Variants in CYLD observed in about 807,000 individuals in gnomAD.
CYLD encodes the protein ubiquitin carboxyl-terminal hydrolase CYLD.
CYLD carries 26 observed loss-of-function variants against 104.5 expected under a neutral mutation model. The ratio of observed to expected loss-of-function variants is 0.25; its 90% CI spans 0.18 to 0.35. The LOEUF (loss-of-function observed/expected upper bound fraction) is 0.35. CYLD is among the 10% of genes least tolerant of loss of function. CYLD has a pLI of 1.00. For missense variants in CYLD, 703 were observed against 1,136.1 expected, an observed-to-expected ratio of 0.62 and a Z score of 5.48; for synonymous variants, 385 against 399.9, an observed-to-expected ratio of 0.96 and a Z score of 0.45.
Position 50,793,577 on chromosome 16 carries a change from T to A in CYLD, c.2382T>A (p.Leu794=). 1 of 1,613,968 alleles carries A rather than the reference T, an allele frequency of 6.2e-7. No homozygotes were observed. Among genetic ancestry groups the A allele is most frequent in the South Asian group, 1.1e-5 (1 of 91,076 alleles). Reference sequence around the variant, plus strand: ...GACAGTGCCGGATATGTGGAGGGCTTGCAATGTATGAGTGTAGAGAATGCT... The same window carrying A: ...GACAGTGCCGGATATGTGGAGGGCTAGCAATGTATGAGTGTAGAGAATGCT... The part of the protein sequence containing the change: ...TPRQCRICGG[L]AMYECRECYD... Residue 794 remains leucine, a synonymous_variant, in exon 17 of 19, where the codon CTT becomes CTA. Transcript: ENST00000427738.
chr16:50,789,467 A>G (rs1242925841), intron 14 of CYLD, among the ~76,000 whole-genome samples: 1 of 152,164 alleles, frequency 6.6e-6, no homozygotes, highest in African/African-American at 2.4e-5. Context: ...CAGAGTGGGT[A>G]GGGAGGGATC....
At chr16:50,747,676 G>A (rs1966305727) in intron 2 of CYLD, among the ~76,000 whole-genome samples, 1 of 151,920 alleles carries the variant, frequency 6.6e-6, no homozygotes, top group East Asian at 1.9e-4. Context: ...TGTTTATATT[G>A]TGTCAAGATA....
At chr16:50,753,776 C>T (rs1344165424) in intron 4 of CYLD, among the ~76,000 whole-genome samples, 1 of 152,176 alleles carries the variant, frequency 6.6e-6, no homozygotes, top group Admixed American at 6.5e-5. Context: ...TAAATATAAA[C>T]ATCTCCATCT....
At chr16:50,769,217 G>C (rs1968847625) in intron 5 of CYLD, among the ~76,000 whole-genome samples, 1 of 152,118 alleles carries the variant, frequency 6.6e-6, no homozygotes, top group African/African-American at 2.4e-5. Context: ...TGGAATGGCT[G>C]GTAATATCAT....
chr16:50,767,466 A>ATTT (rs3064635), intron 5 of CYLD, among the ~76,000 whole-genome samples: 5 of 143,942 alleles, frequency 3.5e-5, no homozygotes, highest in African/African-American at 7.7e-5. Flanking sequence ...GTGGGTTTCA[A>ATTT]TTTTTTTTTT....
At chr16:50,791,917 A>G (rs948393313) in intron 15 of CYLD, among the ~76,000 whole-genome samples, 1 of 152,358 alleles carries the variant, frequency 6.6e-6, no homozygotes, top group Non-Finnish European at 1.5e-5. Context: ...AGAAAACACC[A>G]AGCTAATCTG....
In CYLD at chr16:50,796,647, G is replaced by A. The variant is rs148107725; in HGVS notation, c.*139G>A. ...TGATCCTTCAGAAAAGGATGCCTCT[G>A]TTTAAAAACAAATTGCTTTTGTGTC... On this transcript the variant is annotated 3_prime_UTR_variant, in exon 19 of 19. Coordinates refer to ENST00000427738, the MANE Select transcript of CYLD (RefSeq NM_001378743.1). The A allele has an allele frequency of 7.9e-3, 6,931 of 873,226 alleles. 33 individuals are homozygous for A. The highest frequency in any genetic ancestry group is 0.01 in the Non-Finnish European group (5,612 of 538,720). 54.1% of individuals were successfully genotyped at this position (873,226 alleles called of 1,614,324 possible).
At chr16:50,762,712 A>G (rs1968088063) in intron 5 of CYLD, among the ~76,000 whole-genome samples, 1 of 152,242 alleles carries the variant, frequency 6.6e-6, no homozygotes, top group African/African-American at 2.4e-5. Context: ...AACTTCTAAT[A>G]TATAAACCTT....
In CYLD at chr16:50,742,790, C is replaced by A; in HGVS notation, c.-175C>A. ...CCCCCTTTCTAGGGTGAGGATGGTT[C>A]TACACAGCCACCCGGAGTTCCTTAG... On this transcript the variant is annotated 5_prime_UTR_variant, in exon 2 of 19. Transcript: ENST00000427738. 2.5e-6 allele frequency: 1 copy of A among 398,472 alleles called. No homozygotes were observed. The highest frequency in any genetic ancestry group is 1.3e-4 in the South Asian group (1 of 7,844). 24.7% of individuals were successfully genotyped at this position (398,472 alleles called of 1,614,324 possible). A position where few individuals can be genotyped will look rare whatever the true frequency, so the allele number is the denominator to read the frequency against.
rs1966488422 is a variant in CYLD at position 50,749,999 on chromosome 16, T to C, written c.301T>C (p.Leu101=). 6.2e-7 allele frequency: 1 copy of C among 1,614,156 alleles called. No individual in the cohort carries two copies. Among genetic ancestry groups the C allele is most frequent in the Non-Finnish European group, 8.5e-7 (1 of 1,180,006 alleles). ...AAATGAAAAGTTCACAGAGTTACTT[T>C]TGGCAATTACCAATTGTGAGGAGAG... The part of the protein sequence containing the change: ...EINEKFTELL[L]AITNCEERFS... The change falls in exon 3 of 19, where the codon TTG becomes CTG. Residue 101 remains leucine, a synonymous_variant. Coordinates refer to ENST00000427738, the MANE Select transcript of CYLD (RefSeq NM_001378743.1).
At position 50,794,931 on chromosome 16, in the gene CYLD, T is replaced by A. The variant is rs1971848980; in HGVS notation, c.2686+503T>A. 5.6e-6 allele frequency: 1 copy of A among 177,386 alleles called. No homozygotes were observed. The highest frequency in any genetic ancestry group is 2.4e-5 in the African/African-American group (1 of 41,700). The allele number at this position is 177,386 out of a possible 1,614,324, so 11.0% of individuals were successfully genotyped here. A position where few individuals can be genotyped will look rare whatever the true frequency, so the allele number is the denominator to read the frequency against. ...CAGTGCACCCAGCCTCATATTGTGA[T>A]ATTTTGACATGCATATGCTCTTTTT... On this transcript the variant is annotated intron_variant, in intron 18 of 18. Transcript: ENST00000427738. The surrounding 1 kb of genome is among the most constrained non-coding windows in gnomAD (Gnocchi z 4.1).
At chr16:50,744,197 T>G (rs987929646) in intron 2 of CYLD, among the ~76,000 whole-genome samples, 3 of 152,118 alleles carry the variant, frequency 2.0e-5, no homozygotes, top group Non-Finnish European at 4.4e-5. Flanking sequence ...TCTTTTCTTT[T>G]TTTTTTTTAA....
intron 5 of CYLD, among the ~76,000 whole-genome samples, chr16:50,755,170 T>G (rs62029869): frequency 3.0e-5 from 1 of 33,392 alleles, no homozygotes; most frequent in Non-Finnish European, 5.8e-5. Context: ...CACGTGTACA[T>G]ATGTGTGTGT....
chr16:50,765,791 C>T (rs548912758), intron 5 of CYLD, among the ~76,000 whole-genome samples: 1 of 152,274 alleles, frequency 6.6e-6, no homozygotes, highest in East Asian at 1.9e-4. Flanking sequence ...AAGATCAAAC[C>T]AGCACATTCC....
chr16:50,760,482 C>A (rs1967774098), intron 5 of CYLD, among the ~76,000 whole-genome samples: 1 of 152,092 alleles, frequency 6.6e-6, no homozygotes, highest in South Asian at 2.1e-4. Flanking sequence ...ATATATCTTT[C>A]CAGTGTTTCT....
chr16:50,793,616 C>T lies in CYLD; in HGVS notation c.2421C>T (p.Asp807=). Residue 807 remains aspartate, a synonymous_variant, in exon 17 of 19, where the codon GAC becomes GAT. Transcript: ENST00000427738. ...GTAGAGAATGCTACGACGATCCGGA[C>T]ATCTCAGCTGGAAAAATCAAGCAGT... ...YECRECYDDP[D]ISAGKIKQFC... The T allele has an allele frequency of 6.2e-7, 1 of 1,614,116 alleles. No homozygotes were observed. Among genetic ancestry groups the T allele is most frequent in the Non-Finnish European group, 8.5e-7 (1 of 1,179,988 alleles).
At chr16:50,795,530 A>G (rs1225204402) in intron 18 of CYLD, 2 of 702,598 alleles carry the variant, frequency 2.8e-6, no homozygotes, top group African/African-American at 3.5e-5. Flanking sequence ...CCATTCTTAT[A>G]CCCTATTTTT....
chr16:50,777,083 G>A (rs974551640), intron 7 of CYLD, among the ~76,000 whole-genome samples: 1 of 152,082 alleles, frequency 6.6e-6, no homozygotes, highest in African/African-American at 2.4e-5. Context: ...TTAAGCTATG[G>A]CATGTTAATT....
rs1965823849 is a variant in CYLD at position 50,742,806 on chromosome 16, A to G, written c.-159A>G. The G allele has an allele frequency of 2.6e-6, 1 of 380,352 alleles. No individual in the cohort carries two copies. The highest frequency in any genetic ancestry group is 4.6e-6 in the Non-Finnish European group (1 of 217,122). 23.6% of individuals were successfully genotyped at this position (380,352 alleles called of 1,614,324 possible). ...AGGATGGTTCTACACAGCCACCCGGAGTTCCTTAGTTGAAAGGTGCGCCCT... is the reference window on the plus strand; with the variant it reads ...AGGATGGTTCTACACAGCCACCCGGGGTTCCTTAGTTGAAAGGTGCGCCCT... On this transcript the variant is annotated 5_prime_UTR_variant, in exon 2 of 19. Coordinates refer to ENST00000427738, the MANE Select transcript of CYLD (RefSeq NM_001378743.1).
Sources: allele counts gnomAD v4.1 joint callset (sites outside exome capture counted in the v4.1 genomes callset), GRCh38; gene constraint gnomAD v4.1.1; non-coding constraint Gnocchi (gnomAD v3.1); transcripts MANE v1.5; gene names NCBI Gene and HGNC (gene_info 2026-07-23, HGNC 2026-07-21).